Variants in GALNT15 observed in about 807,000 individuals in gnomAD.
GALNT15 encodes the protein polypeptide N-acetylgalactosaminyltransferase 15, also known as UDP-GalNAc transferase T15.
In GALNT15, 67 loss-of-function variants were observed where a neutral mutation model predicts 66.8. The observed-to-expected ratio is 1.00, with a 90% CI of 0.82 to 1.23. The LOEUF is 1.23. GALNT15 is among the 50% of genes most tolerant of loss of function. The pLI, the probability that GALNT15 is intolerant of heterozygous loss-of-function variation, is 0.00. For synonymous variants in GALNT15, 313 were observed against 311.5 expected (o/e 1.00, Z -0.05); for missense variants, 827 against 804.3 (o/e 1.03, Z -0.34).
Position 16,175,780 on chromosome 3 carries a change from T to C in GALNT15, c.539+90T>C, listed in dbSNP as rs1026147456. The C allele has an allele frequency of 7.6e-6, 9 of 1,191,080 alleles. No homozygotes were observed. Among genetic ancestry groups the C allele is most frequent in the Non-Finnish European group, 1.0e-5 (9 of 867,924 alleles). The allele number at this position is 1,191,080 out of a possible 1,614,324, so 73.8% of individuals were successfully genotyped here. On this transcript the variant is annotated intron_variant, in intron 1 of 9. Coordinates refer to ENST00000339732, the MANE Select transcript of GALNT15 (RefSeq NM_054110.5). This position sits in a 1 kb window ranked among gnomAD's most constrained non-coding sequence, Gnocchi z 5.6. ...GAATGCAAACTTTCCGTAGCCTGCC[T>C]CTCCTGACTTAGAGCAAGTGCTTTT...
downstream of GALNT15, among the ~76,000 whole-genome samples, chr3:16,232,469 A>AATAAATAAATAAATAAATATAT (rs1553689248): frequency 5.2e-5 from 2 of 38,752 alleles, no homozygotes; most frequent in Admixed American, 2.9e-4. Context: ...TAAATAAATA[A>AATAAATAAATAAATAAATATAT]ATATATATAT....
At chr3:16,201,382 C>T (rs369697565) in intron 3 of GALNT15, among the ~76,000 whole-genome samples, 21 of 150,784 alleles carry the variant, frequency 1.4e-4, no homozygotes, top group African/African-American at 4.4e-4. Flanking sequence ...GGGGTTTCAC[C>T]GTGTTAGCCA....
At chr3:16,190,645 A>C (rs2063566855) in intron 1 of GALNT15, among the ~76,000 whole-genome samples, 1 of 151,718 alleles carries the variant, frequency 6.6e-6, no homozygotes, top group Admixed American at 6.6e-5. Flanking sequence ...ATCAAAAAAA[A>C]AAAAAAAAAA....
chr3:16,239,066 A>T, the GALNT15 span, among the ~76,000 whole-genome samples: 1 of 152,110 alleles, frequency 6.6e-6, no homozygotes, highest in African/African-American at 2.4e-5. This position sits in a 1 kb window ranked among gnomAD's most constrained non-coding sequence, Gnocchi z 5.2. Context: ...ACAACACCAA[A>T]CATGACATCC....
At position 16,211,657 on chromosome 3, in the gene GALNT15, C is replaced by T. The variant is rs1210578144; in HGVS notation, c.1197+416C>T. On this transcript the variant is annotated intron_variant, in intron 5 of 9. Transcript: ENST00000339732. This position sits in a 1 kb window ranked among gnomAD's most constrained non-coding sequence, Gnocchi z 4.3. ...TGTAATACTTGTCATAAAAACTTAGCACCTGTTGGGCACCACACAACTTCT... is the reference window on the plus strand; with the variant it reads ...TGTAATACTTGTCATAAAAACTTAGTACCTGTTGGGCACCACACAACTTCT... Among the ~76,000 whole-genome samples, 8 of 152,192 alleles carry T rather than the reference C, an allele frequency of 5.3e-5. No individual in the cohort carries two copies. Among genetic ancestry groups the T allele is most frequent in the Non-Finnish European group, 7.3e-5 (5 of 68,040 alleles).
intron 2 of GALNT15, among the ~76,000 whole-genome samples, chr3:16,196,883 G>T (rs2063644542): frequency 6.6e-6 from 1 of 152,158 alleles, no homozygotes; most frequent in South Asian, 2.1e-4. Flanking sequence ...TTTTTCTAAG[G>T]GGAATAATGG....
chr3:16,201,989 G>A (rs138977012), intron 3 of GALNT15, among the ~76,000 whole-genome samples: 6 of 152,284 alleles, frequency 3.9e-5, no homozygotes, highest in Admixed American at 3.3e-4. Flanking sequence ...ACCAATGCTA[G>A]AACCAAGCCT....
Position 16,227,406 on chromosome 3 carries a change from A to G in GALNT15, c.1826A>G (p.Gln609Arg). 1 of 1,614,122 alleles carries G rather than the reference A, an allele frequency of 6.2e-7. No homozygotes were observed. Among genetic ancestry groups the G allele is most frequent in the Non-Finnish European group, 8.5e-7 (1 of 1,180,010 alleles). ...LSGKCMEAVV[Q>R]ENNKDLYLRP... Reference sequence around the variant, plus strand: ...GGGAAATGCATGGAAGCTGTGGTGCAAGAAAACAATAAAGATTTGTACCTG... The same window carrying G: ...GGGAAATGCATGGAAGCTGTGGTGCGAGAAAACAATAAAGATTTGTACCTG... Residue 609 changes from glutamine (Q) to arginine (R), a missense_variant, in exon 10 of 10, where the codon CAA becomes CGA. Transcript: ENST00000339732. This position sits in a 1 kb window ranked among gnomAD's most constrained non-coding sequence, Gnocchi z 4.5.
chr3:16,219,371 C>T lies in GALNT15; in HGVS notation c.1393-32C>T. ...GTGAATTCTGGGCAAGACAAGCTTT[C>T]ATCATCCTGCTTGTGTCTTTCTCCT... On this transcript the variant is annotated intron_variant, in intron 6 of 9. Coordinates refer to ENST00000339732, the MANE Select transcript of GALNT15 (RefSeq NM_054110.5). This position sits in a 1 kb window ranked among gnomAD's most constrained non-coding sequence, Gnocchi z 4.3. 6.2e-7 allele frequency: 1 copy of T among 1,610,898 alleles called. No individual in the cohort carries two copies. Among genetic ancestry groups the T allele is most frequent in the South Asian group, 1.1e-5 (1 of 90,396 alleles).
rs1413565122 is a variant in GALNT15, at chr3:16,225,498, C to A, written c.1774-1856C>A. ...GATCACGAGGTCAGGAGGCTGAGACCAGCCTGGCCAATATGGTGAAACCCC... is the reference window on the plus strand; with the variant it reads ...GATCACGAGGTCAGGAGGCTGAGACAAGCCTGGCCAATATGGTGAAACCCC... On this transcript the variant is annotated intron_variant, in intron 9 of 9. Transcript: ENST00000339732. This position sits in a 1 kb window ranked among gnomAD's most constrained non-coding sequence, Gnocchi z 4.4. Among the ~76,000 whole-genome samples, 1 of 152,168 alleles carries A rather than the reference C, an allele frequency of 6.6e-6. No homozygotes were observed. The highest frequency in any genetic ancestry group is 1.9e-4 in the East Asian group (1 of 5,192).
chr3:16,240,230 T>C, the GALNT15 span, among the ~76,000 whole-genome samples: 1 of 152,162 alleles, frequency 6.6e-6, no homozygotes, highest in Non-Finnish European at 1.5e-5. Flanking sequence ...TATAATGCCC[T>C]TTCCAGAGTG....
Position 16,203,541 on chromosome 3 carries a change from TCTCACA to T in GALNT15, c.911+2720_911+2725del, listed in dbSNP as rs1390969902. 3.1e-3 allele frequency among the ~76,000 whole-genome samples: 184 copies of T among 58,638 alleles called. No homozygotes were observed. The highest frequency in any genetic ancestry group is 0.022 in the South Asian group (41 of 1,872). 38.5% of individuals were successfully genotyped at this position (58,638 alleles called of 152,430 possible). ...CTCATTCTCTCTCTCTCTCTCTCTC[TCTCACA>T]CACACACACACACACACACACACAC... On this transcript the variant is annotated intron_variant, in intron 3 of 9. Transcript: ENST00000339732. The surrounding 1 kb of genome is among the most constrained non-coding windows in gnomAD (Gnocchi z 6.2).
In GALNT15 at chr3:16,211,169, C is replaced by A; in HGVS notation, c.1125C>A (p.Tyr375Ter). ...PGEVVAMDRH[Y>*]FQNTGAYDSL... is the part of the protein sequence containing the mutation. ...AGGTGGTGGCCATGGACAGACATTA[C>A]TTCCAAAACACTGGAGCGTATGACT... Residue 375 changes from tyrosine (Y) to a stop codon, truncating the protein, a stop_gained, in exon 5 of 10, where the codon TAC becomes TAA. Coordinates refer to ENST00000339732, the MANE Select transcript of GALNT15 (RefSeq NM_054110.5). LOFTEE classifies it high-confidence loss of function. This position sits in a 1 kb window ranked among gnomAD's most constrained non-coding sequence, Gnocchi z 4.3. 1.2e-6 allele frequency: 2 copies of A among 1,614,104 alleles called. No homozygotes were observed. Among genetic ancestry groups the A allele is most frequent in the East Asian group, 2.2e-5 (1 of 44,880 alleles).
the GALNT15 span, among the ~76,000 whole-genome samples, chr3:16,239,580 C>T: frequency 2.0e-5 from 3 of 152,156 alleles, no homozygotes; most frequent in African/African-American, 7.2e-5. The surrounding 1 kb of genome is among the most constrained non-coding windows in gnomAD (Gnocchi z 5.2). Context: ...AAAGTGCCTG[C>T]CATCTGGAAC....
chr3:16,227,530 TG>T lies in GALNT15; in HGVS notation c.*32del, dbSNP rs1559696237. 1 of 1,614,124 alleles carries T rather than the reference TG, an allele frequency of 6.2e-7. No individual in the cohort carries two copies. The highest frequency in any genetic ancestry group is 2.2e-5 in the East Asian group (1 of 44,884). On this transcript the variant is annotated 3_prime_UTR_variant, in exon 10 of 10. Coordinates refer to ENST00000339732, the MANE Select transcript of GALNT15 (RefSeq NM_054110.5). The surrounding 1 kb of genome is among the most constrained non-coding windows in gnomAD (Gnocchi z 4.5). Reference sequence around the variant, plus strand: ...CAATGTCAGAAGGAAAAGAGAATTTTGGCCATCAAAATCCAGCTCCAAGTGA... The same window carrying T: ...CAATGTCAGAAGGAAAAGAGAATTTTGCCATCAAAATCCAGCTCCAAGTGA...
chr3:16,234,215 T>C (rs1237314258), downstream of GALNT15, among the ~76,000 whole-genome samples: 2 of 152,228 alleles, frequency 1.3e-5, no homozygotes, highest in African/African-American at 2.4e-5. Flanking sequence ...GCTATAGTAG[T>C]GACACTGAGT....
At position 16,219,605 on chromosome 3, in the gene GALNT15, C is replaced by T. The variant is rs981626557; in HGVS notation, c.1524+71C>T. Reference sequence around the variant, plus strand: ...CAAGACAAGAACTAGATGTTCAGCTCTTCCATGTCCCTGGTCAACCATTCA... The same window carrying T: ...CAAGACAAGAACTAGATGTTCAGCTTTTCCATGTCCCTGGTCAACCATTCA... On this transcript the variant is annotated intron_variant, in intron 7 of 9. Coordinates refer to ENST00000339732, the MANE Select transcript of GALNT15 (RefSeq NM_054110.5). The surrounding 1 kb of genome is among the most constrained non-coding windows in gnomAD (Gnocchi z 4.3). 14 of 1,573,226 alleles carry T rather than the reference C, an allele frequency of 8.9e-6. No homozygotes were observed. Among genetic ancestry groups the T allele is most frequent in the Non-Finnish European group, 1.1e-5 (13 of 1,155,412 alleles).
rs556126300 is a variant in GALNT15, at chr3:16,187,394, G to A, written c.540-8366G>A. On this transcript the variant is annotated intron_variant, in intron 1 of 9. Coordinates refer to ENST00000339732, the MANE Select transcript of GALNT15 (RefSeq NM_054110.5). This position sits in a 1 kb window ranked among gnomAD's most constrained non-coding sequence, Gnocchi z 5.1. ...ACCCCTGTGGCTGCCATCAGAGGGC[G>A]GCTGACTGCACTGAATATTAAGATG... Among the ~76,000 whole-genome samples, 95 of 152,304 alleles carry A rather than the reference G, an allele frequency of 6.2e-4. No individual in the cohort carries two copies. The highest frequency in any genetic ancestry group is 2.0e-3 in the African/African-American group (85 of 41,558).
At position 16,200,008 on chromosome 3, in the gene GALNT15, GA is replaced by G. The variant is rs1376366321; in HGVS notation, c.707-608del. 6.6e-6 allele frequency among the ~76,000 whole-genome samples: 1 copy of G among 152,172 alleles called. No homozygotes were observed. Among genetic ancestry groups the G allele is most frequent in the African/African-American group, 2.4e-5 (1 of 41,416 alleles). On this transcript the variant is annotated intron_variant, in intron 2 of 9. Transcript: ENST00000339732. This position sits in a 1 kb window ranked among gnomAD's most constrained non-coding sequence, Gnocchi z 4.4. ...TGCCTGAGACTAGGTAATTTATAAA[GA>G]AAGGAGGTTTAATTGACTCACAGTT...
Sources: allele counts gnomAD v4.1 joint callset (sites outside exome capture counted in the v4.1 genomes callset), GRCh38; gene constraint gnomAD v4.1.1; non-coding constraint Gnocchi (gnomAD v3.1); transcripts MANE v1.5; gene names NCBI Gene and HGNC (gene_info 2026-07-23, HGNC 2026-07-21).